The following SCAI variants were observed in gnomAD, a reference collection of about 807,000 sequenced individuals.
SCAI encodes protein SCAI.
A neutral mutation model predicts 92.2 loss-of-function variants in SCAI; 24 were observed. That is an observed-to-expected ratio of 0.26 (90% CI 0.19 to 0.37). SCAI has a LOEUF of 0.37. Ranked by LOEUF, SCAI falls within the 10% of genes least tolerant of loss-of-function variation. The pLI is 1.00. For synonymous variants in SCAI, 261 were observed against 258.6 expected (o/e 1.01, Z -0.09); for missense variants, 450 against 736.2 (o/e 0.61, Z 4.50).
intron 2 of SCAI, among the ~76,000 whole-genome samples, chr9:125,111,495 T>C (rs1303536395): frequency 1.3e-5 from 2 of 152,150 alleles, no homozygotes; most frequent in Admixed American, 6.6e-5. Flanking sequence ...CAGGATGGCT[T>C]TGAATGTGGC....
At chr9:125,106,722 CTTTTTTTTTTT>C (rs34740170) in intron 2 of SCAI, among the ~76,000 whole-genome samples, 1 of 113,364 alleles carries the variant, frequency 8.8e-6, no homozygotes, top group Non-Finnish European at 1.8e-5. Flanking sequence ...TTTTCTTTTC[CTTTTTTTTTTT>C]TTTTTTTTTT....
intron 17 of SCAI, chr9:124,968,430 T>C (rs1213564889): frequency 9.9e-6 from 11 of 1,113,176 alleles, no homozygotes; most frequent in Non-Finnish European, 1.5e-5. Context: ...AGTCCAGTCA[T>C]AACGCTTGAG....
At chr9:124,998,441 A>G (rs967478135) in intron 13 of SCAI, among the ~76,000 whole-genome samples, 6 of 151,986 alleles carry the variant, frequency 3.9e-5, no homozygotes, top group Admixed American at 1.3e-4. Flanking sequence ...CATGAGAGCA[A>G]GATTCCATCT....
intron 2 of SCAI, among the ~76,000 whole-genome samples, chr9:125,123,578 C>T (rs975255285): frequency 6.6e-6 from 1 of 152,136 alleles, no homozygotes; most frequent in African/African-American, 2.4e-5. Flanking sequence ...AGATCGAGAA[C>T]ATCCTAGCTA....
At position 124,942,656 on chromosome 9, in the gene SCAI, A is replaced by G. The variant is rs1831075399; in HGVS notation, c.*10151T>C. On this transcript the variant is annotated 3_prime_UTR_variant, in exon 18 of 18. Transcript: ENST00000336505. ...TATATTGATGATACACTTAATATATATGTGGATTCAAGGTACAAAATTCAT... is the reference window on the plus strand; with the variant it reads ...TATATTGATGATACACTTAATATATGTGTGGATTCAAGGTACAAAATTCAT... 6.6e-6 allele frequency: 1 copy of G among 152,248 alleles called. No homozygotes were observed. The highest frequency in any genetic ancestry group is 1.5e-5 in the Non-Finnish European group (1 of 68,042). The allele number at this position is 152,248 out of a possible 1,614,324, so 9.4% of individuals were successfully genotyped here. A position where few individuals can be genotyped will look rare whatever the true frequency, so the allele number is the denominator to read the frequency against.
intron 2 of SCAI, among the ~76,000 whole-genome samples, chr9:125,074,304 T>C (rs1352093541): frequency 6.7e-6 from 1 of 149,066 alleles, no homozygotes; most frequent in African/African-American, 2.5e-5. Context: ...TCACTCAGGT[T>C]GGAGTGCAGC....
chr9:125,107,869 C>T (rs1365609574), intron 2 of SCAI, among the ~76,000 whole-genome samples: 2 of 152,204 alleles, frequency 1.3e-5, no homozygotes, highest in Admixed American at 6.5e-5. Flanking sequence ...CCACGGTCTC[C>T]CTCTGATGCC....
intron 9 of SCAI, among the ~76,000 whole-genome samples, chr9:125,017,006 TA>T (rs1329827087): frequency 6.6e-6 from 1 of 151,864 alleles, no homozygotes; most frequent in East Asian, 1.9e-4. Flanking sequence ...CAGAAGAGAG[TA>T]AAAGGCAAGA....
intron 2 of SCAI, among the ~76,000 whole-genome samples, chr9:125,136,898 T>C (rs879311502): frequency 6.6e-6 from 1 of 151,828 alleles, no homozygotes; most frequent in Non-Finnish European, 1.5e-5. Flanking sequence ...GTAACTGGGA[T>C]TACAGGCATG....
intron 17 of SCAI, among the ~76,000 whole-genome samples, chr9:124,959,946 T>C (rs1831406871): frequency 1.3e-5 from 2 of 152,096 alleles, no homozygotes; most frequent in African/African-American, 2.4e-5. Flanking sequence ...TGATGGACAT[T>C]TGGGTTGGTT....
intron 3 of SCAI, among the ~76,000 whole-genome samples, chr9:125,048,956 A>G (rs1833501841): frequency 6.6e-6 from 1 of 151,676 alleles, no homozygotes; most frequent in Admixed American, 6.6e-5. Context: ...TGTTGGTCAG[A>G]CTGGTCTCAA....
intron 2 of SCAI, among the ~76,000 whole-genome samples, chr9:125,132,585 T>C (rs1479990500): frequency 3.3e-5 from 5 of 152,212 alleles, no homozygotes; most frequent in Middle Eastern, 3.2e-3. Context: ...AGACAGTTCA[T>C]TGAAGCACCT....
At chr9:125,129,178 C>G in intron 2 of SCAI, among the ~76,000 whole-genome samples, 1 of 151,984 alleles carries the variant, frequency 6.6e-6, no homozygotes, top group African/African-American at 2.4e-5. Flanking sequence ...GTGGCACTCA[C>G]GCCTGTAATC....
chr9:125,013,269 T>C (rs1832676294), intron 9 of SCAI, among the ~76,000 whole-genome samples: 2 of 151,688 alleles, frequency 1.3e-5, no homozygotes, highest in African/African-American at 4.8e-5. Flanking sequence ...TCAACAAAAT[T>C]GATAGACTGC....
intron 3 of SCAI, among the ~76,000 whole-genome samples, chr9:125,041,172 T>G (rs889018376): frequency 1.3e-5 from 2 of 152,208 alleles, no homozygotes; most frequent in Non-Finnish European, 2.9e-5. Context: ...CCATTTCCAT[T>G]TTCCTTATAA....
chr9:125,076,505 AAAAAC>A (rs1167674799), intron 2 of SCAI, among the ~76,000 whole-genome samples: 1 of 152,184 alleles, frequency 6.6e-6, no homozygotes, highest in African/African-American at 2.4e-5. Flanking sequence ...GCCATCTCAA[AAAAAC>A]AAAACAAAAC....
rs568217357 is a variant in SCAI at position 125,006,749 on chromosome 9, C to A, written c.862-3179G>T. On this transcript the variant is annotated intron_variant, in intron 9 of 17. Coordinates refer to ENST00000336505, the MANE Select transcript of SCAI (RefSeq NM_001144877.3). ...TCGTAATCTGCCCGCCTCGGCCTCC[C>A]ACAGTGTGGGGATTACAGGTGTGAG... Among the ~76,000 whole-genome samples, 3 of 152,308 alleles carry A rather than the reference C, an allele frequency of 2.0e-5. No individual in the cohort carries two copies. In the East Asian group the frequency reaches 5.8e-4, roughly 29 times the overall value.
chr9:125,078,492 C>T (rs1012193290), intron 2 of SCAI, among the ~76,000 whole-genome samples: 33 of 152,130 alleles, frequency 2.2e-4, no homozygotes, highest in Non-Finnish European at 4.4e-5. Context: ...CACGCCACTG[C>T]ACTCCAGCTT....
At chr9:124,962,173 G>GGT (rs1564358560) in intron 17 of SCAI, among the ~76,000 whole-genome samples, 16 of 118,630 alleles carry the variant, frequency 1.3e-4, no homozygotes, top group African/African-American at 4.0e-4. Context: ...TTTTTTTTGC[G>GGT]GGGGGGGATG....
Sources: gnomAD v4.1 joint callset for allele counts (sites outside exome capture counted in the v4.1 genomes callset) on GRCh38, gnomAD v4.1.1 for gene constraint, MANE v1.5 for transcripts, NCBI Gene and HGNC (gene_info 2026-07-23, HGNC 2026-07-21) for gene names.